CLIP2: variants seen among roughly 807,000 people sequenced by gnomAD.
The protein encoded by CLIP2 is CAP-Gly domain containing linker protein 2, also known as CAP-Gly domain-containing linker protein 2.
In CLIP2, 41 loss-of-function variants were observed where a neutral mutation model predicts 111.7. The ratio of observed to expected loss-of-function variants is 0.37; its 90% CI spans 0.29 to 0.48. The LOEUF (loss-of-function observed/expected upper bound fraction) is 0.48, where lower values mean the gene tolerates loss of function less well. Among genes scored for constraint, CLIP2 ranks in the 20% least tolerant of loss-of-function variants. The probability of loss-of-function intolerance (pLI) is 0.99; values close to 1 mark genes in which losing one functional copy is unlikely to be tolerated. For synonymous variants in CLIP2, 660 were observed against 644.2 expected (o/e 1.02, Z -0.37); for missense variants, 1,160 against 1,422.1 (o/e 0.82, Z 2.96).
At chr7:74,345,008 G>C (rs1311379381) in intron 3 of CLIP2, among the ~76,000 whole-genome samples, 4 of 152,142 alleles carry the variant, frequency 2.6e-5, no homozygotes, top group African/African-American at 4.8e-5. Context: ...AGGTCCACCT[G>C]TCTCTTTCAC....
intron 16 of CLIP2, among the ~76,000 whole-genome samples, chr7:74,402,899 G>A (rs915567450): frequency 6.6e-6 from 1 of 152,010 alleles, no homozygotes; most frequent in Admixed American, 6.6e-5. Context: ...GAGACACATG[G>A]GGTCATCCCA....
At chr7:74,348,005 C>T (rs1789853937) in intron 3 of CLIP2, among the ~76,000 whole-genome samples, 1 of 151,978 alleles carries the variant, frequency 6.6e-6, no homozygotes, top group Non-Finnish European at 1.5e-5. Context: ...CATGGTGAAA[C>T]CCCATCTCTA....
At chr7:74,377,713 CAG>C (rs1179613644) in intron 10 of CLIP2, among the ~76,000 whole-genome samples, 1 of 152,186 alleles carries the variant, frequency 6.6e-6, no homozygotes, top group Non-Finnish European at 1.5e-5. Flanking sequence ...GTGGGGCTGA[CAG>C]AGAGTGCCCA....
At chr7:74,357,851 G>T (rs1159728814) in intron 6 of CLIP2, among the ~76,000 whole-genome samples, 1 of 150,840 alleles carries the variant, frequency 6.6e-6, no homozygotes, top group African/African-American at 2.4e-5. Context: ...CCACCTCCTC[G>T]GTTCAAGCGA....
chr7:74,340,063 C>T (rs1789614499), intron 3 of CLIP2, among the ~76,000 whole-genome samples: 1 of 152,006 alleles, frequency 6.6e-6, no homozygotes. Flanking sequence ...CACTGCACTC[C>T]AGCTTGGGTG....
In CLIP2 at chr7:74,403,936, CTG is replaced by C. The variant is rs1175431341; in HGVS notation, c.*90_*91del. 20 of 1,418,776 alleles carry C rather than the reference CTG, an allele frequency of 1.4e-5. No individual in the cohort carries two copies. Among genetic ancestry groups the C allele is most frequent in the Non-Finnish European group, 1.9e-5 (19 of 1,009,240 alleles). The allele number at this position is 1,418,776 out of a possible 1,614,324, so 87.9% of individuals were successfully genotyped here. A position where few individuals can be genotyped will look rare whatever the true frequency, so the allele number is the denominator to read the frequency against. On this transcript the variant is annotated 3_prime_UTR_variant, in exon 17 of 17. Coordinates refer to ENST00000223398, the MANE Select transcript of CLIP2 (RefSeq NM_003388.5). ...TACCTCCTCCAGGCAGGAGCCGGGA[CTG>C]TCACTTTGGAGACAAAACAGTGTTT...
At chr7:74,361,765 T>C (rs781880330) in intron 7 of CLIP2, among the ~76,000 whole-genome samples, 19 of 152,300 alleles carry the variant, frequency 1.2e-4, no homozygotes, top group Non-Finnish European at 1.9e-4. Context: ...TGAAATGCCC[T>C]GTGTCCAGGT....
intron 3 of CLIP2, among the ~76,000 whole-genome samples, chr7:74,349,508 A>ATATG (rs1789919017): frequency 7.3e-6 from 1 of 136,696 alleles, no homozygotes; most frequent in Non-Finnish European, 1.6e-5. Flanking sequence ...ATATATATAT[A>ATATG]TATGTAAATA....
At chr7:74,354,411 C>T (rs955879845) in intron 4 of CLIP2, among the ~76,000 whole-genome samples, 4 of 151,898 alleles carry the variant, frequency 2.6e-5, no homozygotes, top group African/African-American at 4.8e-5. Context: ...ATCAGGTGTT[C>T]GAGACCAGCC....
At chr7:74,341,084 G>A (rs1554305294) in intron 3 of CLIP2, among the ~76,000 whole-genome samples, 1 of 152,128 alleles carries the variant, frequency 6.6e-6, no homozygotes, top group Non-Finnish European at 1.5e-5. Context: ...TTACACCCAT[G>A]GCCCCGTTGA....
chr7:74,383,448 A>G (rs1261290116), intron 11 of CLIP2, among the ~76,000 whole-genome samples: 3 of 152,192 alleles, frequency 2.0e-5, no homozygotes, highest in African/African-American at 4.8e-5. Context: ...AGCTTTGTCT[A>G]TGTTGTAATT....
chr7:74,333,354 T>C (rs995654649), intron 2 of CLIP2, among the ~76,000 whole-genome samples: 1 of 151,650 alleles, frequency 6.6e-6, no homozygotes, highest in South Asian at 2.1e-4. Flanking sequence ...CAGCTAATTA[T>C]GGTATTTTTA....
intron 16 of CLIP2, among the ~76,000 whole-genome samples, chr7:74,403,570 AACAAACAAACAC>A (rs1268336659): frequency 1.3e-5 from 2 of 152,150 alleles, no homozygotes; most frequent in Non-Finnish European, 2.9e-5. Flanking sequence ...TCCGTCTTAA[AACAAACAAACAC>A]ACAAACAAAC....
chr7:74,291,890 T>A (rs1788031581), intron 1 of CLIP2, among the ~76,000 whole-genome samples: 1 of 150,370 alleles, frequency 6.7e-6, no homozygotes, highest in Admixed American at 6.6e-5. Flanking sequence ...CCTCCCCTCC[T>A]GGCCCTGCCA....
chr7:74,370,348 C>T (rs1195606119), intron 8 of CLIP2, among the ~76,000 whole-genome samples: 3 of 149,676 alleles, frequency 2.0e-5, no homozygotes, highest in Non-Finnish European at 3.0e-5. Flanking sequence ...CCCAGCTACT[C>T]GGGAGGCTGA....
intron 7 of CLIP2, among the ~76,000 whole-genome samples, chr7:74,360,806 C>T (rs1554309564): frequency 6.6e-6 from 1 of 152,198 alleles, no homozygotes. Flanking sequence ...CCGCCTCGGC[C>T]TCCCAAAGTG....
rs782321535 is a variant in CLIP2 at position 74,338,631 on chromosome 7, A to T, written c.305A>T (p.Gln102Leu). Reference sequence around the variant, plus strand: ...GTGGTGCAGTATCTGGGAGAGACGCAGTTCGCACCGGGCCAGTGGGCTGGC... The same window carrying T: ...GTGGTGCAGTATCTGGGAGAGACGCTGTTCGCACCGGGCCAGTGGGCTGGC... ...PGVVQYLGETQFAPGQWAGVV... is the reference protein window; with the variant it reads ...PGVVQYLGETLFAPGQWAGVV... Residue 102 changes from glutamine (Q) to leucine (L), a missense_variant, in exon 3 of 17, where the codon CAG (glutamine) becomes CTG (leucine). Coordinates refer to ENST00000223398, the MANE Select transcript of CLIP2 (RefSeq NM_003388.5). The surrounding 1 kb of genome is among the most constrained non-coding windows in gnomAD (Gnocchi z 4.3). The T allele has an allele frequency of 5.8e-6, 9 of 1,564,356 alleles. No individual in the cohort carries two copies. Among genetic ancestry groups the T allele is most frequent in the Non-Finnish European group, 7.8e-6 (9 of 1,156,672 alleles).
At chr7:74,313,409 A>C (rs1157537877) in intron 1 of CLIP2, among the ~76,000 whole-genome samples, 1 of 151,802 alleles carries the variant, frequency 6.6e-6, no homozygotes, top group African/African-American at 2.4e-5. Flanking sequence ...AAATATAAAA[A>C]ATTAGCCAGG....
chr7:74,356,376 G>A (rs201308919), intron 4 of CLIP2, 34 bp from the exon 5 acceptor site: 82 of 1,589,990 alleles, frequency 5.2e-5, no homozygotes, highest in Middle Eastern at 5.0e-4. Context: ...CTTTGGGGCC[G>A]TGACAGCAGC....
Sources: gnomAD v4.1 joint callset for allele counts (sites outside exome capture counted in the v4.1 genomes callset) on GRCh38, gnomAD v4.1.1 for gene constraint, Gnocchi (gnomAD v3.1) non-coding constraint, MANE v1.5 for transcripts, NCBI Gene and HGNC (gene_info 2026-07-23, HGNC 2026-07-21) for gene names.